Variants in SHKBP1 observed in about 807,000 individuals in gnomAD.
SHKBP1 encodes SH3KBP1 binding protein 1.
A neutral mutation model predicts 83.9 loss-of-function variants in SHKBP1; 71 were observed. That is an observed-to-expected ratio of 0.85 (90% CI 0.70 to 1.03). The LOEUF (loss-of-function observed/expected upper bound fraction) is 1.03. Among genes scored for constraint, SHKBP1 ranks in the 50% least tolerant of loss-of-function variants. SHKBP1 has a pLI of 0.00. For missense variants in SHKBP1, 824 were observed against 982.4 expected (o/e 0.84, Z 2.16); for synonymous variants, 371 against 398.0 (o/e 0.93, Z 0.81).
chr19:40,580,582 G>C lies in SHKBP1; in HGVS notation c.579G>C (p.Pro193=), dbSNP rs757076421. 6.2e-7 allele frequency: 1 copy of C among 1,614,160 alleles called. No homozygotes were observed. Among genetic ancestry groups the C allele is most frequent in the Admixed American group, 1.7e-5 (1 of 60,002 alleles). ...PPSPSGQPEE[P]GMVRLVCGHH... ...CCCCTCAAGGACAACCTGAGGAGCC[G>C]GGGATGGTGCGCCTGGTGTGTGGAC... The change falls in exon 8 of 18, where the codon CCG becomes CCC. Residue 193 remains proline (P), a synonymous_variant. Coordinates refer to ENST00000291842, the MANE Select transcript of SHKBP1 (RefSeq NM_138392.4).
Position 40,583,718 on chromosome 19 carries a change from G to A in SHKBP1, c.1165+1G>A, listed in dbSNP as rs1270301001. ...AGTGTCTACCTCACCCCCAAGACCA[G>A]TAAGCTATGACCCGGCTTCCCCTGC... On this transcript the variant is annotated splice_donor_variant, in intron 12 of 17. Coordinates refer to ENST00000291842, the MANE Select transcript of SHKBP1 (RefSeq NM_138392.4). LOFTEE classifies it high-confidence loss of function. The A allele has an allele frequency of 1.2e-6, 2 of 1,612,164 alleles. No homozygotes were observed. The highest frequency in any genetic ancestry group is 3.3e-5 in the Admixed American group (2 of 59,986).
At chr19:40,577,098 CT>C (rs2081220528) in intron 1 of SHKBP1, 113 bp downstream of exon 1, 1 of 1,231,842 alleles carries the variant, frequency 8.1e-7, no homozygotes, top group East Asian at 2.5e-5. Context: ...CCCCCCCCCC[CT>C]TTGGAGGCGC....
intron 9 of SHKBP1, among the ~76,000 whole-genome samples, chr19:40,581,166 T>C (rs1266934420): frequency 1.3e-5 from 2 of 152,116 alleles, no homozygotes; most frequent in African/African-American, 4.8e-5. Flanking sequence ...TTCCCTGCCC[T>C]GTTAGATCTC....
chr19:40,580,189 C>T, intron 6 of SHKBP1, 135 bp from the exon 7 acceptor site: 1 of 1,021,882 alleles, frequency 9.8e-7, no homozygotes, highest in East Asian at 2.6e-5. Flanking sequence ...TGCTGTGTCA[C>T]TGCACCACTT....
rs1206096792 is a variant in SHKBP1 at position 40,578,471 on chromosome 19, T to G, written c.329T>G (p.Leu110Arg). Residue 110 changes from leucine (L) to arginine (R), a missense_variant, in exon 6 of 18, where the codon CTG becomes CGG. Physicochemically the swap from Leu to Arg is moderately radical, Grantham distance 102. This residue lies in a region of SHKBP1 where 355 missense variants were observed against 386.4 expected (regional missense o/e 0.92). Coordinates refer to ENST00000291842, the MANE Select transcript of SHKBP1 (RefSeq NM_138392.4). ...AGTCCTCCTGTTGCAGTTCGTCGCCTGCAGCTTCGAGAGGAGTTGGATCGA... is the reference window on the plus strand; with the variant it reads ...AGTCCTCCTGTTGCAGTTCGTCGCCGGCAGCTTCGAGAGGAGTTGGATCGA... ...FYGLTPLVRR[L>R]QLREELDRSS... The G allele has an allele frequency of 6.2e-7, 1 of 1,614,078 alleles. No homozygotes were observed. The highest frequency in any genetic ancestry group is 1.7e-5 in the Admixed American group (1 of 59,994).
rs1019546719 is a variant in SHKBP1 at position 40,588,929 on chromosome 19, GC to G, written c.1493-151del. On this transcript the variant is annotated intron_variant, in intron 14 of 17. Coordinates refer to ENST00000291842, the MANE Select transcript of SHKBP1 (RefSeq NM_138392.4). ...TTGAGGCACCTGAGCTCCACTGACT[GC>G]CACAACCCCCCAGCCCTCTCTGGCC... 134 of 1,282,318 alleles carry G rather than the reference GC, an allele frequency of 1.0e-4. No homozygotes were observed. In the African/African-American group the frequency reaches 1.8e-3, roughly 17 times the overall value. The allele number at this position is 1,282,318 out of a possible 1,614,324, so 79.4% of individuals were successfully genotyped here.
Position 40,582,617 on chromosome 19 carries a change from A to G in SHKBP1, c.960+151A>G, listed in dbSNP as rs150323244. The G allele has an allele frequency of 1.2e-4, 75 of 640,666 alleles. No homozygotes were observed. The Middle Eastern group carries it at 1.2e-3, about 10-fold the overall frequency. The allele number at this position is 640,666 out of a possible 1,614,324, so 39.7% of individuals were successfully genotyped here. Reference sequence around the variant, plus strand: ...TGGCCAGAGCCTGGGGATGTCTGTGATAAAGGCCTAAGGAGCACCAGGGAA... The same window carrying G: ...TGGCCAGAGCCTGGGGATGTCTGTGGTAAAGGCCTAAGGAGCACCAGGGAA... On this transcript the variant is annotated intron_variant, in intron 10 of 17. Transcript: ENST00000291842.
chr19:40,590,946 G>A lies in SHKBP1; in HGVS notation c.1893-30G>A, dbSNP rs368277273. The stretch of plus-strand genomic sequence containing the variant: ...CAGAGTGGCCCAGCTGCCCCGTGAT[G>A]ACGTGCACTTACTGTCCTTACTTCC... On this transcript the variant is annotated intron_variant, in intron 17 of 17. Coordinates refer to ENST00000291842, the MANE Select transcript of SHKBP1 (RefSeq NM_138392.4). The surrounding 1 kb of genome is among the most constrained non-coding windows in gnomAD (Gnocchi z 4.6). 5 of 1,583,462 alleles carry A rather than the reference G, an allele frequency of 3.2e-6. No individual in the cohort carries two copies. The highest frequency in any genetic ancestry group is 4.3e-6 in the Non-Finnish European group (5 of 1,157,506).
At chr19:40,579,765 C>T (rs2081251330) in intron 6 of SHKBP1, among the ~76,000 whole-genome samples, 1 of 152,164 alleles carries the variant, frequency 6.6e-6, no homozygotes, top group African/African-American at 2.4e-5. Context: ...GGCACATTGG[C>T]TCATGCCTGT....
intron 9 of SHKBP1, among the ~76,000 whole-genome samples, chr19:40,581,515 C>A (rs1362676376): frequency 7.4e-6 from 1 of 134,614 alleles, no homozygotes; most frequent in Non-Finnish European, 1.6e-5. Flanking sequence ...CAGAGTGAGA[C>A]ACCATCTCAA....
rs766854774 is a variant in SHKBP1 at position 40,591,101 on chromosome 19, G to C, written c.2018G>C (p.Ser673Thr). The C allele has an allele frequency of 1.1e-5, 18 of 1,612,326 alleles. No homozygotes were observed. In the South Asian group the frequency reaches 2.0e-4, roughly 18 times the overall value. ...FVERCQELVR[S>T]GPDLRRPPTP... is the part of the protein sequence containing the mutation. ...GAACGCTGCCAGGAACTGGTGCGGA[G>C]TGGGCCAGACCTCCGACGGCCACCC... The change falls in exon 18 of 18, where the codon AGT becomes ACT. Residue 673 changes from serine (S) to threonine (T), a missense_variant. Physicochemically the swap from Ser to Thr is moderately conservative, Grantham distance 58. Coordinates refer to ENST00000291842, the MANE Select transcript of SHKBP1 (RefSeq NM_138392.4).
intron 6 of SHKBP1, 57 bp downstream of exon 6, chr19:40,578,599 C>T (rs2081242118): frequency 1.3e-6 from 2 of 1,499,892 alleles, no homozygotes; most frequent in South Asian, 2.3e-5. Context: ...CTACATTTCC[C>T]ATAAGGCTGC....
rs375727995 is a variant in SHKBP1 at position 40,591,022 on chromosome 19, A to G, written c.1939A>G (p.Ser647Gly). ...CACCTCCTTGTCTGGCCACCGTGGG[A>G]GCCCAAGCCCCCCGCAGGCTGAGGC... ...SNTSLSGHRGSPSPPQAEARR... is the reference protein window; with the variant it reads ...SNTSLSGHRGGPSPPQAEARR... The change falls in exon 18 of 18, where the codon AGC becomes GGC. Residue 647 changes from serine to glycine, a missense_variant. Transcript: ENST00000291842. The G allele has an allele frequency of 8.7e-6, 14 of 1,611,786 alleles. No homozygotes were observed. Among genetic ancestry groups the G allele is most frequent in the African/African-American group, 1.3e-5 (1 of 74,856 alleles).
intron 12 of SHKBP1, among the ~76,000 whole-genome samples, chr19:40,586,236 C>T (rs1259937851): frequency 6.6e-6 from 1 of 152,128 alleles, no homozygotes; most frequent in Non-Finnish European, 1.5e-5. Flanking sequence ...GTCTCTGGGC[C>T]TCTCCTCCTT....
At chr19:40,587,267 C>T (rs955840138) in intron 13 of SHKBP1, among the ~76,000 whole-genome samples, 3 of 152,150 alleles carry the variant, frequency 2.0e-5, no homozygotes, top group Admixed American at 6.5e-5. Flanking sequence ...GACATTCTAG[C>T]AGCGATGGCA....
intron 9 of SHKBP1, 97 bp downstream of exon 9, chr19:40,581,033 C>A (rs1568389648): frequency 1.6e-5 from 19 of 1,194,704 alleles, no homozygotes; most frequent in Non-Finnish European, 2.2e-5. Flanking sequence ...CATAAGAATT[C>A]TCTGCTCTAT....
At position 40,590,648 on chromosome 19, in the gene SHKBP1, C is replaced by T. The variant is rs369125317; in HGVS notation, c.1769-82C>T. 71 of 1,485,618 alleles carry T rather than the reference C, an allele frequency of 4.8e-5. No homozygotes were observed. Among genetic ancestry groups the T allele is most frequent in the African/African-American group, 3.5e-4 (25 of 71,738 alleles). 92.0% of individuals were successfully genotyped at this position (1,485,618 alleles called of 1,614,324 possible). On this transcript the variant is annotated intron_variant, in intron 16 of 17. Coordinates refer to ENST00000291842, the MANE Select transcript of SHKBP1 (RefSeq NM_138392.4). The surrounding 1 kb of genome is among the most constrained non-coding windows in gnomAD (Gnocchi z 4.6). Reference sequence around the variant, plus strand: ...GCTTCCTCTCTCCTGTCCTGACCCTCGGTGCTTGCACTGCAATGCAACCCA... The same window carrying T: ...GCTTCCTCTCTCCTGTCCTGACCCTTGGTGCTTGCACTGCAATGCAACCCA...
In SHKBP1 at chr19:40,578,142, TCTA is replaced by T. The variant is rs778068539; in HGVS notation, c.261-7_261-5del. On this transcript the variant is annotated splice_polypyrimidine_tract_variant and intron_variant, in intron 4 of 17. Transcript: ENST00000291842. ...ACCTAGACCCTGACCTCTAGTCAAT[TCTA>T]CTACCCAGGGGTGTCCACGGTTCCA... is the stretch of plus-strand genomic sequence containing the variant. 6.8e-6 allele frequency: 11 copies of T among 1,612,800 alleles called. No individual in the cohort carries two copies. The highest frequency in any genetic ancestry group is 6.7e-5 in the African/African-American group (5 of 74,988).
rs575647182 is a variant in SHKBP1, at chr19:40,580,790, G to T, written c.698G>T (p.Arg233Leu). 1.9e-6 allele frequency: 3 copies of T among 1,611,940 alleles called. No individual in the cohort carries two copies. The highest frequency in any genetic ancestry group is 2.2e-5 in the East Asian group (1 of 44,824). Reference sequence around the variant, plus strand: ...TGGCAGCTGGTGTTTTCCAGCCCCCGCCTGGACTGGCCCATCGAACGACTG... The same window carrying T: ...TGGCAGCTGGTGTTTTCCAGCCCCCTCCTGGACTGGCCCATCGAACGACTG... ...SGWQLVFSSP[R>L]LDWPIERLAL... Residue 233 changes from arginine (R) to leucine (L), a missense_variant, in exon 9 of 18, where the codon CGC (arginine) becomes CTC (leucine). Coordinates refer to ENST00000291842, the MANE Select transcript of SHKBP1 (RefSeq NM_138392.4).
Sources: gnomAD v4.1 joint callset for allele counts (sites outside exome capture counted in the v4.1 genomes callset) on GRCh38, gnomAD v4.1.1 for gene constraint, gnomAD v4.1.1 regional missense constraint, Gnocchi (gnomAD v3.1) non-coding constraint, MANE v1.5 for transcripts, NCBI Gene and HGNC (gene_info 2026-07-23, HGNC 2026-07-21) for gene names.